The following ANKS1B variants were observed in gnomAD, a reference collection of about 807,000 sequenced individuals.
The protein encoded by ANKS1B is ankyrin repeat and sterile alpha motif domain containing 1B.
ANKS1B carries 36 observed loss-of-function variants against 148.3 expected under a neutral mutation model. The observed-to-expected ratio is 0.24, with a 90% confidence interval of 0.19 to 0.32. The LOEUF (loss-of-function observed/expected upper bound fraction) is 0.32. Among genes scored for constraint, ANKS1B ranks in the 10% least tolerant of loss-of-function variants. ANKS1B has a pLI of 1.00. For synonymous variants in ANKS1B, 542 were observed against 560.8 expected (o/e 0.97, Z 0.47); for missense variants, 1,157 against 1,542.6 (o/e 0.75, Z 4.19).
chr12:99,566,619 C>T (rs117243209), intron 9 of ANKS1B, among the ~76,000 whole-genome samples: 3,329 of 152,180 alleles, frequency 0.022, 84 homozygotes, highest in Non-Finnish European at 0.029. Flanking sequence ...CATCAGGGTA[C>T]AGTCCCCATG....
intron 14 of ANKS1B, among the ~76,000 whole-genome samples, chr12:99,217,261 A>C (rs973748412): frequency 3.3e-5 from 5 of 151,840 alleles, no homozygotes; most frequent in African/African-American, 9.7e-5. Flanking sequence ...CACGACTTAA[A>C]GTCACTCATG....
chr12:99,257,839 G>A (rs993411711), intron 12 of ANKS1B, among the ~76,000 whole-genome samples: 1 of 152,136 alleles, frequency 6.6e-6, no homozygotes, highest in African/African-American at 2.4e-5. Flanking sequence ...CAGCCTTCCA[G>A]CCTTCCAGCT....
intron 9 of ANKS1B, among the ~76,000 whole-genome samples, chr12:99,595,566 A>G (rs2097750997): frequency 6.6e-6 from 1 of 151,938 alleles, no homozygotes; most frequent in Admixed American, 6.6e-5. Context: ...TAGAAAATAT[A>G]AAACTAATTA....
At chr12:99,251,028 C>T (rs1054723464) in intron 12 of ANKS1B, among the ~76,000 whole-genome samples, 7 of 152,124 alleles carry the variant, frequency 4.6e-5, no homozygotes, top group African/African-American at 1.7e-4. Flanking sequence ...CCTGGGTCCT[C>T]ACATGGTGGA....
chr12:99,225,537 G>A (rs1007757037), intron 14 of ANKS1B, among the ~76,000 whole-genome samples: 2 of 152,294 alleles, frequency 1.3e-5, no homozygotes, highest in African/African-American at 2.4e-5. Flanking sequence ...TGGACTGGGA[G>A]AGGCAGATCA....
At chr12:98,966,706 A>G (rs1285798048) in intron 17 of ANKS1B, among the ~76,000 whole-genome samples, 2 of 152,252 alleles carry the variant, frequency 1.3e-5, no homozygotes, top group East Asian at 3.9e-4. Flanking sequence ...ACACCATGGA[A>G]TACTATGCAG....
chr12:99,170,003 C>T (rs1462992216), intron 14 of ANKS1B, among the ~76,000 whole-genome samples: 1 of 152,116 alleles, frequency 6.6e-6, no homozygotes, highest in Non-Finnish European at 1.5e-5. Flanking sequence ...CTTGGGGTTA[C>T]TTTGTTGTTG....
At position 99,385,511 on chromosome 12, in the gene ANKS1B, C is replaced by T. The variant is rs115566827; in HGVS notation, c.1756+14120G>A. On this transcript the variant is annotated intron_variant, in intron 12 of 26. Coordinates refer to ENST00000683438, the MANE Select transcript of ANKS1B (RefSeq NM_001352186.2). ...ATTTTAAAAGTACAAATAATTATTG[C>T]CTGAAAGGGAATATGCTAAATATGA... Among the ~76,000 whole-genome samples the T allele has an allele frequency of 6.7e-3, 1,026 of 152,100 alleles. 15 individuals are homozygous for T. The highest frequency in any genetic ancestry group is 0.024 in the African/African-American group (981 of 41,484).
intron 1 of ANKS1B, among the ~76,000 whole-genome samples, chr12:99,944,563 G>T (rs1169058046): frequency 6.6e-6 from 1 of 152,142 alleles, no homozygotes; most frequent in Admixed American, 6.5e-5. Flanking sequence ...TGGGGGAAAT[G>T]AATGTCACTT....
At chr12:99,679,290 G>T (rs1002852717) in intron 8 of ANKS1B, among the ~76,000 whole-genome samples, 5 of 152,120 alleles carry the variant, frequency 3.3e-5, no homozygotes, top group African/African-American at 1.2e-4. Flanking sequence ...ATAATCTGAT[G>T]ATTTTTGAAC....
chr12:99,362,078 G>A (rs2092509346), intron 12 of ANKS1B, among the ~76,000 whole-genome samples: 1 of 152,066 alleles, frequency 6.6e-6, no homozygotes, highest in East Asian at 1.9e-4. Context: ...CTTCATTGTA[G>A]ACAATATCCT....
intron 1 of ANKS1B, among the ~76,000 whole-genome samples, chr12:99,982,603 A>G (rs1251156328): frequency 6.6e-6 from 1 of 152,244 alleles, no homozygotes; most frequent in Admixed American, 6.5e-5. Flanking sequence ...TTAAAACTGT[A>G]AAGAGATAAA....
At chr12:98,798,819 G>T in intron 22 of ANKS1B, 115 bp downstream of exon 22, 2 of 775,516 alleles carry the variant, frequency 2.6e-6, no homozygotes, top group Non-Finnish European at 2.0e-6. Context: ...TAATACCAAT[G>T]TGATTCAGCA....
At chr12:98,893,551 T>C (rs1464197363) in intron 17 of ANKS1B, 1 of 152,274 alleles carries the variant, frequency 6.6e-6, no homozygotes, top group Non-Finnish European at 1.5e-5. Context: ...AAATTCCTCA[T>C]GTTGCCATTC....
chr12:99,293,976 T>C (rs2080448556), intron 12 of ANKS1B, among the ~76,000 whole-genome samples: 1 of 152,158 alleles, frequency 6.6e-6, no homozygotes, highest in Non-Finnish European at 1.5e-5. Context: ...TACAATGAGA[T>C]AGCATCTCAC....
intron 10 of ANKS1B, among the ~76,000 whole-genome samples, chr12:99,454,851 T>G (rs1484829154): frequency 2.6e-5 from 4 of 152,194 alleles, no homozygotes; most frequent in Non-Finnish European, 4.4e-5. Flanking sequence ...CCTGGAGAAC[T>G]GCACAGTTAA....
intron 17 of ANKS1B, among the ~76,000 whole-genome samples, chr12:98,975,712 C>T (rs146232375): frequency 1.6e-4 from 25 of 152,092 alleles, no homozygotes; most frequent in African/African-American, 5.8e-4. Flanking sequence ...TTGGAGCAGA[C>T]ACCTGAATGA....
intron 17 of ANKS1B, among the ~76,000 whole-genome samples, chr12:98,890,969 C>T (rs745408541): frequency 2.0e-5 from 3 of 152,120 alleles, no homozygotes; most frequent in Non-Finnish European, 2.9e-5. Flanking sequence ...GGTAAAGTTG[C>T]GTATCTAGGA....
intron 17 of ANKS1B, among the ~76,000 whole-genome samples, chr12:98,860,377 A>C (rs745545215): frequency 6.6e-6 from 1 of 152,220 alleles, no homozygotes; most frequent in Non-Finnish European, 1.5e-5. Flanking sequence ...TTTGTTGTCT[A>C]TCTCTGCTCC....
Sources: gnomAD v4.1 joint callset for allele counts (sites outside exome capture counted in the v4.1 genomes callset) on GRCh38, gnomAD v4.1.1 for gene constraint, MANE v1.5 for transcripts, NCBI Gene and HGNC (gene_info 2026-07-23, HGNC 2026-07-21) for gene names.